ANOS1: variants seen among roughly 807,000 people sequenced by gnomAD.
The protein encoded by ANOS1 is anosmin 1.
In ANOS1, 6 loss-of-function variants were observed where a neutral mutation model predicts 59.0. That is an observed-to-expected ratio of 0.10 (90% CI 0.06 to 0.20). The LOEUF (loss-of-function observed/expected upper bound fraction) is 0.20. Ranked by LOEUF, ANOS1 falls within the 10% of genes least tolerant of loss-of-function variation. The pLI, the probability that ANOS1 is intolerant of heterozygous loss-of-function variation, is 1.00. For missense variants in ANOS1, 433 were observed against 542.3 expected (o/e 0.80, Z 2.00); for synonymous variants, 217 against 223.4 (o/e 0.97, Z 0.25).
At chrX:8,660,256 GGTGGACAT>G (rs1932014535) in intron 2 of ANOS1, among the ~76,000 whole-genome samples, 1 of 112,056 alleles carries the variant, frequency 8.9e-6, no homozygotes, top group Non-Finnish European at 1.9e-5. Context: ...AAAGGTCTCA[GGTGGACAT>G]GTGGACATTG....
chrX:8,651,694 G>A (rs1021223771), intron 2 of ANOS1, among the ~76,000 whole-genome samples: 2 of 112,101 alleles, frequency 1.8e-5, no homozygotes, highest in African/African-American at 3.2e-5. Context: ...GAAATTGCTC[G>A]TACAAAACTA....
chrX:8,650,554 C>A (rs183793617), intron 2 of ANOS1, among the ~76,000 whole-genome samples: 24 of 111,961 alleles, frequency 2.1e-4, no homozygotes, highest in African/African-American at 7.5e-4. Flanking sequence ...GTCGTCTCTA[C>A]TAGAAATACA....
intron 8 of ANOS1, among the ~76,000 whole-genome samples, chrX:8,554,873 G>A (rs1460319588): frequency 6.3e-5 from 7 of 110,402 alleles, no homozygotes; most frequent in Admixed American, 3.9e-4. Flanking sequence ...TCTGGACCAA[G>A]TGCACCTAAT....
At chrX:8,686,288 T>C (rs184704930) in intron 2 of ANOS1, among the ~76,000 whole-genome samples, 5 of 112,109 alleles carry the variant, frequency 4.5e-5, no homozygotes, top group East Asian at 2.8e-4. Flanking sequence ...CTTCTACCGA[T>C]TTATTATTTT....
Position 8,651,649 on chromosome X carries a change from A to C in ANOS1, c.256-27979T>G, listed in dbSNP as rs182014073. 4.6e-3 allele frequency among the ~76,000 whole-genome samples: 521 copies of C among 112,256 alleles called. 7 individuals are homozygous for C. Among genetic ancestry groups the C allele is most frequent in the African/African-American group, 0.016 (499 of 30,877 alleles). The stretch of plus-strand genomic sequence containing the variant: ...AGTTGAGATCTCTCCACTGGCTTCC[A>C]CAAGGTCACTCAATAATAAAACATT... On this transcript the variant is annotated intron_variant, in intron 2 of 13. Coordinates refer to ENST00000262648, the MANE Select transcript of ANOS1 (RefSeq NM_000216.4).
chrX:8,709,432 GA>G (rs1413073722), intron 1 of ANOS1, among the ~76,000 whole-genome samples: 4 of 111,796 alleles, frequency 3.6e-5, no homozygotes, highest in Non-Finnish European at 3.8e-5. Flanking sequence ...AACACAGAGA[GA>G]AAACAATATT....
chrX:8,659,584 G>GCCTGCCTTCCTTCCTT (rs1336939298), intron 2 of ANOS1, among the ~76,000 whole-genome samples: 4 of 57,688 alleles, frequency 6.9e-5, no homozygotes, highest in African/African-American at 2.1e-4. Context: ...TTGCTTGCTT[G>GCCTGCCTTCCTTCCTT]CCTTCCTTCC....
At chrX:8,716,894 CA>C (rs1932844659) in intron 1 of ANOS1, among the ~76,000 whole-genome samples, 1 of 111,780 alleles carries the variant, frequency 8.9e-6, no homozygotes, top group African/African-American at 3.3e-5. Context: ...GACCCAGAGA[CA>C]GAGACAGATG....
chrX:8,664,410 G>A (rs1037744695), intron 2 of ANOS1, among the ~76,000 whole-genome samples: 5 of 110,236 alleles, frequency 4.5e-5, no homozygotes, highest in African/African-American at 9.9e-5. Context: ...AGCCAGGATG[G>A]TCTCAATCTC....
At chrX:8,594,656 GTGTATATATA>G (rs1930682456) in intron 4 of ANOS1, among the ~76,000 whole-genome samples, 2 of 12,439 alleles carry the variant, frequency 1.6e-4, no homozygotes, top group Non-Finnish European at 2.5e-4. Flanking sequence ...ATATATATAT[GTGTATATATA>G]TATATATATA....
chrX:8,560,091 C>T (rs1930009727), intron 8 of ANOS1, among the ~76,000 whole-genome samples: 1 of 111,942 alleles, frequency 8.9e-6, no homozygotes, highest in Non-Finnish European at 1.9e-5. Flanking sequence ...TACAGTAATC[C>T]TTTAACATGA....
intron 2 of ANOS1, among the ~76,000 whole-genome samples, chrX:8,657,540 C>G (rs1277243791): frequency 9.5e-6 from 1 of 105,374 alleles, no homozygotes; most frequent in Non-Finnish European, 1.9e-5. Context: ...ACGATACCAG[C>G]TCACTGCAAC....
In ANOS1 at chrX:8,598,899, C is replaced by T. The variant is rs191893728; in HGVS notation, c.319-1643G>A. Among the ~76,000 whole-genome samples, 11 of 111,853 alleles carry T rather than the reference C, an allele frequency of 9.8e-5. No homozygotes were observed. In the East Asian group the frequency reaches 2.3e-3, roughly 23 times the overall value. Reference sequence around the variant, plus strand: ...GGTGGCTACGTTGTTGTGAATGGAACGTAATCAGCAAAGTTCTGTGCCACT... The same window carrying T: ...GGTGGCTACGTTGTTGTGAATGGAATGTAATCAGCAAAGTTCTGTGCCACT... On this transcript the variant is annotated intron_variant, in intron 3 of 13. Coordinates refer to ENST00000262648, the MANE Select transcript of ANOS1 (RefSeq NM_000216.4).
chrX:8,699,195 T>C (rs1004240319), intron 2 of ANOS1, among the ~76,000 whole-genome samples: 49 of 111,843 alleles, frequency 4.4e-4, no homozygotes, highest in African/African-American at 1.6e-3. Context: ...AGTAACATAA[T>C]AAAGTTTATA....
At chrX:8,680,630 C>A (rs1432234883) in intron 2 of ANOS1, among the ~76,000 whole-genome samples, 2 of 111,238 alleles carry the variant, frequency 1.8e-5, no homozygotes, top group African/African-American at 6.5e-5. Flanking sequence ...CATGGAGGCA[C>A]CTGCTCATTT....
chrX:8,604,604 T>C (rs1008916017), intron 3 of ANOS1, among the ~76,000 whole-genome samples: 3 of 112,095 alleles, frequency 2.7e-5, no homozygotes, highest in East Asian at 2.8e-4. Context: ...TCTACCCAGA[T>C]ACAGAAAAGC....
chrX:8,704,611 G>C (rs1305579663), intron 1 of ANOS1, among the ~76,000 whole-genome samples: 5 of 112,397 alleles, frequency 4.4e-5, no homozygotes, highest in Non-Finnish European at 9.4e-5. Flanking sequence ...GAAAAACTCT[G>C]TCATTACAAA....
chrX:8,700,473 C>T (rs1932746231), intron 1 of ANOS1, among the ~76,000 whole-genome samples: 1 of 111,616 alleles, frequency 9.0e-6, no homozygotes, highest in Non-Finnish European at 1.9e-5. Context: ...GATCCAATTA[C>T]CTCTCACCAG....
At chrX:8,589,029 GA>G (rs1397603219) in intron 4 of ANOS1, among the ~76,000 whole-genome samples, 1 of 112,374 alleles carries the variant, frequency 8.9e-6, no homozygotes, top group African/African-American at 3.2e-5. Context: ...AAACACAGAA[GA>G]AACTGGAAAA....
Sources: allele counts gnomAD v4.1 joint callset (sites outside exome capture counted in the v4.1 genomes callset), GRCh38; gene constraint gnomAD v4.1.1; transcripts MANE v1.5; gene names NCBI Gene and HGNC (gene_info 2026-07-23, HGNC 2026-07-21).